Variants in CNTN5 observed in about 807,000 individuals in gnomAD.
CNTN5 encodes contactin 5.
Under a neutral mutation model 129.1 loss-of-function variants are expected in CNTN5, and 77 were observed. The observed-to-expected ratio is 0.60, with a 90% CI of 0.50 to 0.72. The LOEUF is 0.72. CNTN5 is among the 30% of genes least tolerant of loss of function. The probability of loss-of-function intolerance (pLI) is 0.00; values close to 1 mark genes in which losing one functional copy is unlikely to be tolerated. For synonymous variants in CNTN5, 509 were observed against 465.6 expected (o/e 1.09, Z -1.20); for missense variants, 1,478 against 1,328.8 (o/e 1.11, Z -1.75).
chr11:99,524,826 A>T (rs1357108866), intron 2 of CNTN5, among the ~76,000 whole-genome samples: 1 of 152,086 alleles, frequency 6.6e-6, no homozygotes, highest in Non-Finnish European at 1.5e-5. Context: ...AAAAAAGTGT[A>T]TTTATATGTA....
At chr11:99,750,504 A>G (rs1429141845) in intron 3 of CNTN5, among the ~76,000 whole-genome samples, 1 of 151,688 alleles carries the variant, frequency 6.6e-6, no homozygotes, top group Non-Finnish European at 1.5e-5. Flanking sequence ...AAATTTGAAT[A>G]TGTTCCTTTC....
At chr11:99,749,902 T>A (rs562628900) in intron 3 of CNTN5, among the ~76,000 whole-genome samples, 1 of 152,336 alleles carries the variant, frequency 6.6e-6, no homozygotes, top group Admixed American at 6.5e-5. Context: ...ATGCTACTAC[T>A]AATTTTTTCC....
intron 16 of CNTN5, among the ~76,000 whole-genome samples, chr11:100,239,092 G>A (rs1323224932): frequency 6.6e-6 from 1 of 152,082 alleles, no homozygotes; most frequent in Non-Finnish European, 1.5e-5. Context: ...ATGAAATCTT[G>A]CATTCGTTTC....
chr11:100,094,451 G>C (rs1388431317), intron 13 of CNTN5, among the ~76,000 whole-genome samples: 1 of 152,082 alleles, frequency 6.6e-6, no homozygotes, highest in East Asian at 1.9e-4. Flanking sequence ...TACTAGCCTT[G>C]ATTTTTAAAG....
intron 21 of CNTN5, among the ~76,000 whole-genome samples, chr11:100,310,641 A>G (rs1332200727): frequency 6.6e-6 from 1 of 151,956 alleles, no homozygotes; most frequent in Non-Finnish European, 1.5e-5. Context: ...TAAAAAAAAT[A>G]TGAGATACAA....
chr11:100,141,385 G>A (rs1385412527), intron 13 of CNTN5, among the ~76,000 whole-genome samples: 3 of 124,950 alleles, frequency 2.4e-5, no homozygotes, highest in African/African-American at 7.6e-5. Flanking sequence ...AGGAACACAC[G>A]AACAGTTGGG....
intron 1 of CNTN5, among the ~76,000 whole-genome samples, chr11:99,036,252 A>G (rs1156905746): frequency 2.6e-5 from 4 of 152,114 alleles, no homozygotes; most frequent in Non-Finnish European, 5.9e-5. Flanking sequence ...TATAATTCTT[A>G]TAACTTGTCC....
At chr11:99,445,812 G>A (rs200081686) in intron 2 of CNTN5, among the ~76,000 whole-genome samples, 37 of 151,960 alleles carry the variant, frequency 2.4e-4, no homozygotes, top group Admixed American at 1.9e-3. Flanking sequence ...GGCCGGGCGC[G>A]GTGACTCACA....
intron 9 of CNTN5, among the ~76,000 whole-genome samples, chr11:100,052,453 G>C (rs1344481700): frequency 6.6e-6 from 1 of 151,656 alleles, no homozygotes; most frequent in African/African-American, 2.4e-5. Flanking sequence ...GTATTTTCAA[G>C]AATCTACAAC....
At chr11:100,343,544 C>A (rs1952212595) in intron 23 of CNTN5, among the ~76,000 whole-genome samples, 1 of 152,078 alleles carries the variant, frequency 6.6e-6, no homozygotes, top group South Asian at 2.1e-4. Flanking sequence ...TTTCACAGGG[C>A]AGCCAAGGAT....
intron 1 of CNTN5, among the ~76,000 whole-genome samples, chr11:99,075,672 A>G (rs5008835): frequency 0.18 from 27,886 of 152,050 alleles, 3,783 homozygotes; most frequent in East Asian, 0.47. Flanking sequence ...TTTTCATTTA[A>G]TGTCGACTGA....
intron 3 of CNTN5, among the ~76,000 whole-genome samples, chr11:99,613,327 C>T (rs1173625665): frequency 1.3e-5 from 2 of 152,168 alleles, no homozygotes; most frequent in African/African-American, 2.4e-5. Context: ...CCCGGCTTCG[C>T]TGGGCCTGTC....
chr11:99,648,342 A>C (rs193040457), intron 3 of CNTN5, among the ~76,000 whole-genome samples: 2 of 152,024 alleles, frequency 1.3e-5, no homozygotes, highest in Admixed American at 6.6e-5. Flanking sequence ...ATGATCAGGT[A>C]AATGCAAATG....
chr11:99,909,897 C>T (rs1949612010), intron 6 of CNTN5, among the ~76,000 whole-genome samples: 1 of 151,880 alleles, frequency 6.6e-6, no homozygotes. Flanking sequence ...ACCAACATGG[C>T]ACATGTATAC....
chr11:99,808,132 A>T (rs1472569865), intron 3 of CNTN5, among the ~76,000 whole-genome samples: 1 of 152,194 alleles, frequency 6.6e-6, no homozygotes, highest in East Asian at 1.9e-4. Flanking sequence ...AGAATTTGTG[A>T]TGCATACATA....
At chr11:100,029,148 A>C (rs1941577108) in intron 9 of CNTN5, among the ~76,000 whole-genome samples, 1 of 140,920 alleles carries the variant, frequency 7.1e-6, no homozygotes, top group Non-Finnish European at 1.6e-5. Flanking sequence ...TGTGATTCAG[A>C]TATAGAAAAA....
chr11:99,545,912 T>A (rs1243919566), intron 2 of CNTN5, among the ~76,000 whole-genome samples: 1 of 152,180 alleles, frequency 6.6e-6, no homozygotes, highest in Non-Finnish European at 1.5e-5. Context: ...GTCGTCCCAC[T>A]CATTATTAGA....
Position 100,061,253 on chromosome 11 carries a change from T to C in CNTN5, c.1022T>C (p.Ile341Thr). ...TITWMKVNGY[I>T]PSKARLRKSQ... ...ACATGGATGAAGGTTAATGGTTATA[T>C]TCCTAGTAAGGCACGTCTGCGGAAA... Residue 341 changes from isoleucine (I) to threonine (T), a missense_variant, in exon 10 of 25, where the codon ATT (isoleucine) becomes ACT (threonine). Physicochemically the swap from Ile to Thr is moderately conservative, Grantham distance 89 (BLOSUM62 -1). Transcript: ENST00000524871. The C allele has an allele frequency of 1.2e-6, 2 of 1,613,656 alleles. No individual in the cohort carries two copies. Among genetic ancestry groups the C allele is most frequent in the Admixed American group, 1.7e-5 (1 of 60,004 alleles).
chr11:99,798,630 T>A (rs377000574), intron 3 of CNTN5, among the ~76,000 whole-genome samples: 36 of 152,306 alleles, frequency 2.4e-4, no homozygotes, highest in African/African-American at 7.7e-4. Context: ...TTTGTGTGTC[T>A]GTTTTTACAT....
Sources: allele counts gnomAD v4.1 joint callset (sites outside exome capture counted in the v4.1 genomes callset), GRCh38; gene constraint gnomAD v4.1.1; transcripts MANE v1.5; gene names NCBI Gene and HGNC (gene_info 2026-07-23, HGNC 2026-07-21).